Variants in P3H2 observed in about 807,000 individuals in gnomAD.
P3H2 encodes the protein prolyl 3-hydroxylase 2, also known as leprecan-like 1.
Under a neutral mutation model 87.0 loss-of-function variants are expected in P3H2, and 80 were observed. The observed-to-expected ratio is 0.92, with a 90% confidence interval of 0.77 to 1.11. P3H2 has a LOEUF of 1.11. Ranked by LOEUF, P3H2 falls within the 50% of genes least tolerant of loss-of-function variation. The probability of loss-of-function intolerance (pLI) is 0.00; values close to 1 mark genes in which losing one functional copy is unlikely to be tolerated. For missense variants in P3H2, 1,001 were observed against 923.9 expected (o/e 1.08, Z -1.08); for synonymous variants, 367 against 359.3 (o/e 1.02, Z -0.24).
rs140738047 is a variant in P3H2, at chr3:190,011,205, G to A, written c.481-15763C>T. 8.4e-3 allele frequency among the ~76,000 whole-genome samples: 1,276 copies of A among 151,560 alleles called. 23 individuals carry two copies. The highest frequency in any genetic ancestry group is 0.028 in the African/African-American group (1,161 of 41,270). ...GGAGAATTGCTTGAACCCAGGAGGC[G>A]GAGCTTGCAGTGAGCCGAGATTGCG... On this transcript the variant is annotated intron_variant, in intron 1 of 14. Transcript: ENST00000319332.
chr3:190,027,513 A>G (rs1294986897), intron 1 of P3H2, among the ~76,000 whole-genome samples: 2 of 152,144 alleles, frequency 1.3e-5, no homozygotes, highest in Admixed American at 6.5e-5. Context: ...GTTATAGAGA[A>G]AGAGGTCATT....
chr3:190,014,319 G>C (rs913496494), intron 1 of P3H2, among the ~76,000 whole-genome samples: 2 of 152,208 alleles, frequency 1.3e-5, no homozygotes, highest in Non-Finnish European at 2.9e-5. Context: ...TGAGAGAAAA[G>C]TAGATAGGTG....
intron 1 of P3H2, among the ~76,000 whole-genome samples, chr3:190,031,742 T>C (rs562942625): frequency 7.9e-4 from 46 of 58,318 alleles, no homozygotes; most frequent in African/African-American, 2.8e-3. Context: ...TCAGATAAAT[T>C]TGCAAAAAAA....
chr3:190,002,817 C>T (rs1724258900), intron 1 of P3H2, among the ~76,000 whole-genome samples: 1 of 152,218 alleles, frequency 6.6e-6, no homozygotes, highest in Admixed American at 6.5e-5. Context: ...CAAGGAAACT[C>T]AGGGACATAC....
At chr3:190,045,712 C>T (rs1481946032) in intron 1 of P3H2, among the ~76,000 whole-genome samples, 1 of 151,726 alleles carries the variant, frequency 6.6e-6, no homozygotes, top group Non-Finnish European at 1.5e-5. Flanking sequence ...GGGCCTGATT[C>T]AATCAGTTGA....
intron 2 of P3H2, 115 bp downstream of exon 2, chr3:189,995,175 T>C (rs1724011708): frequency 2.0e-6 from 2 of 991,432 alleles, no homozygotes; most frequent in South Asian, 3.4e-5. Flanking sequence ...AAAATGTTAC[T>C]AAAATTTGAG....
chr3:190,064,922 T>C (rs1160088480), intron 1 of P3H2, among the ~76,000 whole-genome samples: 3 of 152,104 alleles, frequency 2.0e-5, no homozygotes, highest in African/African-American at 4.8e-5. Flanking sequence ...GTGCAAACAG[T>C]AGACTGCAGG....
rs368815939 is a variant in P3H2, at chr3:189,988,900, G to T, written c.955+7C>A. 6.2e-7 allele frequency: 1 copy of T among 1,613,926 alleles called. No homozygotes were observed. ...CAAGAAGTCTTCACGGATGATCCACGCTTTACCTCGATAGTAGGCAAACTG... is the reference window on the plus strand; with the variant it reads ...CAAGAAGTCTTCACGGATGATCCACTCTTTACCTCGATAGTAGGCAAACTG... On this transcript the variant is annotated splice_region_variant and intron_variant, in intron 4 of 14. Coordinates refer to ENST00000319332, the MANE Select transcript of P3H2 (RefSeq NM_018192.4).
intron 1 of P3H2, among the ~76,000 whole-genome samples, chr3:190,113,953 G>A (rs917266291): frequency 9.4e-5 from 14 of 149,694 alleles, no homozygotes; most frequent in African/African-American, 2.5e-4. Flanking sequence ...GGAGGCGGGC[G>A]CCTGTAGTCC....
intron 1 of P3H2, among the ~76,000 whole-genome samples, chr3:190,014,738 C>T (rs979418692): frequency 7.2e-5 from 11 of 152,032 alleles, no homozygotes; most frequent in Non-Finnish European, 1.3e-4. Context: ...AATTCCCTGG[C>T]CTTAGCATGG....
intron 1 of P3H2, among the ~76,000 whole-genome samples, chr3:190,113,574 C>T (rs867722532): frequency 6.6e-6 from 1 of 152,304 alleles, no homozygotes; most frequent in South Asian, 2.1e-4. Flanking sequence ...TCAAATCCAG[C>T]AAGTCTTCAT....
intron 1 of P3H2, among the ~76,000 whole-genome samples, chr3:190,033,181 G>T (rs999408578): frequency 6.6e-6 from 1 of 152,198 alleles, no homozygotes; most frequent in East Asian, 1.9e-4. Flanking sequence ...TAATGCAGGC[G>T]GTGGAGAGCA....
At chr3:189,962,850 A>G (rs1170067774) in intron 14 of P3H2, among the ~76,000 whole-genome samples, 3 of 152,348 alleles carry the variant, frequency 2.0e-5, no homozygotes, top group East Asian at 3.9e-4. Context: ...AATTGGATTC[A>G]ACTTAGGAAC....
intron 1 of P3H2, among the ~76,000 whole-genome samples, chr3:190,070,900 A>G (rs1726677310): frequency 6.6e-6 from 1 of 152,244 alleles, no homozygotes; most frequent in South Asian, 2.1e-4. Flanking sequence ...CCAGAACATC[A>G]TAATCATATT....
intron 13 of P3H2, chr3:189,969,296 C>A: frequency 1.1e-6 from 1 of 909,094 alleles, no homozygotes; most frequent in Non-Finnish European, 1.8e-6. Flanking sequence ...ATAACATCCA[C>A]CCCCCAGGTG....
intron 8 of P3H2, among the ~76,000 whole-genome samples, chr3:189,981,009 C>A (rs1051502953): frequency 1.3e-5 from 2 of 152,226 alleles, no homozygotes; most frequent in Non-Finnish European, 2.9e-5. Flanking sequence ...TTCTAGGTTG[C>A]TGAGCACGTG....
intron 8 of P3H2, among the ~76,000 whole-genome samples, chr3:189,976,119 C>G (rs886966824): frequency 6.6e-6 from 1 of 152,160 alleles, no homozygotes; most frequent in African/African-American, 2.4e-5. Context: ...ATTCTACTCA[C>G]TGATCTGGTC....
chr3:190,014,036 G>A (rs1043586994), intron 1 of P3H2, among the ~76,000 whole-genome samples: 2 of 151,926 alleles, frequency 1.3e-5, no homozygotes, highest in East Asian at 3.9e-4. Flanking sequence ...AAATTTGGTG[G>A]CAAAATATGG....
intron 13 of P3H2, 99 bp from the exon 14 acceptor site, chr3:189,964,197 G>A (rs983242980): frequency 8.9e-7 from 1 of 1,120,360 alleles, no homozygotes; most frequent in African/African-American, 1.5e-5. Context: ...GTTAAGGCCT[G>A]AGGCGAAGAA....
Sources: allele counts gnomAD v4.1 joint callset (sites outside exome capture counted in the v4.1 genomes callset), GRCh38; gene constraint gnomAD v4.1.1; transcripts MANE v1.5; gene names NCBI Gene and HGNC (gene_info 2026-07-23, HGNC 2026-07-21).